Variants in COMMD6 observed in about 807,000 individuals in gnomAD.
COMMD6 encodes the protein COMM domain containing 6.
In COMMD6, 11 loss-of-function variants were observed where a neutral mutation model predicts 13.4. The observed-to-expected ratio is 0.82, with a 90% confidence interval of 0.52 to 1.36. The LOEUF (loss-of-function observed/expected upper bound fraction) is 1.36. Among genes scored for constraint, COMMD6 ranks in the 40% most tolerant of loss-of-function variants. The pLI is 0.00. For missense variants in COMMD6, 124 were observed against 102.4 expected, an observed-to-expected ratio of 1.21 and a Z score of -0.91; for synonymous variants, 43 against 36.5, an observed-to-expected ratio of 1.18 and a Z score of -0.64.
chr13:75,537,503 T>G, intron 2 of COMMD6, 161 bp downstream of exon 2: 1 of 1,559,594 alleles, frequency 6.4e-7, no homozygotes. Context: ...GGCTACCGGC[T>G]CAGGTGCAAA....
chr13:75,540,241 G>T (rs9543967), upstream of COMMD6, among the ~76,000 whole-genome samples: 19,021 of 151,728 alleles, frequency 0.13, 1,435 homozygotes, highest in Middle Eastern at 0.29. Context: ...AAAGTGCTGG[G>T]ATTACAGGTG....
chr13:75,536,460 A>C (rs2030666247), intron 2 of COMMD6, among the ~76,000 whole-genome samples: 1 of 152,250 alleles, frequency 6.6e-6, no homozygotes, highest in Admixed American at 6.5e-5. Context: ...CAGTATTGGT[A>C]GATGTGACAA....
upstream of COMMD6, among the ~76,000 whole-genome samples, chr13:75,542,856 T>G (rs2030848323): frequency 1.3e-5 from 2 of 152,086 alleles, no homozygotes; most frequent in Admixed American, 6.6e-5. Flanking sequence ...TGAAGACAGA[T>G]GGAGGCCAAG....
upstream of COMMD6, among the ~76,000 whole-genome samples, chr13:75,538,229 G>A (rs149140190): frequency 6.6e-6 from 1 of 152,236 alleles, no homozygotes; most frequent in African/African-American, 2.4e-5. Flanking sequence ...AGGGAAGGCT[G>A]TGGGAACCAC....
chr13:75,543,386 T>A (rs74864187), upstream of COMMD6, among the ~76,000 whole-genome samples: 24 of 152,302 alleles, frequency 1.6e-4, no homozygotes, highest in Non-Finnish European at 3.2e-4. Context: ...CTCCCTTATA[T>A]CTCCCAAATA....
chr13:75,538,918 G>C (rs892681881), upstream of COMMD6: 8 of 152,264 alleles, frequency 5.3e-5, no homozygotes, highest in African/African-American at 1.7e-4. Flanking sequence ...GGTGGGATCT[G>C]CTTTCAGCCT....
intron 3 of COMMD6, among the ~76,000 whole-genome samples, chr13:75,528,693 T>C (rs966182350): frequency 3.3e-5 from 5 of 151,608 alleles, no homozygotes; most frequent in African/African-American, 1.2e-4. Context: ...AATACAAAAA[T>C]TAGCTGGGCG....
chr13:75,548,320 A>T (rs1192031124), intron 1 of COMMD6, among the ~76,000 whole-genome samples: 3 of 152,232 alleles, frequency 2.0e-5, no homozygotes, highest in Non-Finnish European at 2.9e-5. Flanking sequence ...GATGAAGAGG[A>T]GTTAAGGTAA....
At chr13:75,542,589 C>CT (rs1194732436), upstream of COMMD6, among the ~76,000 whole-genome samples, 4 of 152,050 alleles carry the variant, frequency 2.6e-5, no homozygotes, top group East Asian at 3.9e-4. Flanking sequence ...GCACCCAGCC[C>CT]TTTTTTTTCT....
intron 3 of COMMD6, among the ~76,000 whole-genome samples, chr13:75,528,586 T>A (rs1385484080): frequency 6.6e-6 from 1 of 152,030 alleles, no homozygotes; most frequent in Non-Finnish European, 1.5e-5. Flanking sequence ...AGTGGACGGA[T>A]CAACTGAGGT....
intron 2 of COMMD6, among the ~76,000 whole-genome samples, chr13:75,532,632 T>G (rs1013133366): frequency 2.0e-5 from 3 of 152,010 alleles, no homozygotes; most frequent in Admixed American, 2.0e-4. Flanking sequence ...GAGATCAGAA[T>G]CATCCTGGCT....
At chr13:75,530,626 CT>C (rs2030441040) in intron 2 of COMMD6, 1 of 169,740 alleles carries the variant, frequency 5.9e-6, no homozygotes. Flanking sequence ...ATGCTCAAGA[CT>C]TACATTAGCA....
At chr13:75,530,385 T>A in intron 2 of COMMD6, 119 bp from the exon 3 acceptor site, 1 of 666,834 alleles carries the variant, frequency 1.5e-6, no homozygotes, top group South Asian at 2.2e-5. Flanking sequence ...CATATTTACA[T>A]AAAGTATCTT....
upstream of COMMD6, chr13:75,537,989 C>A (rs1330926082): frequency 8.1e-6 from 4 of 492,298 alleles, no homozygotes; most frequent in Middle Eastern, 5.5e-4. Context: ...AGACATTGAG[C>A]TAAAAGAAAA....
At chr13:75,537,128 A>C (rs1384800118) in intron 2 of COMMD6, among the ~76,000 whole-genome samples, 1 of 152,212 alleles carries the variant, frequency 6.6e-6, no homozygotes, top group Non-Finnish European at 1.5e-5. Flanking sequence ...TAGTACTCCT[A>C]TTCTGGGAAG....
intron 1 of COMMD6, among the ~76,000 whole-genome samples, chr13:75,546,825 T>C (rs1466138038): frequency 6.6e-6 from 1 of 152,224 alleles, no homozygotes. Flanking sequence ...AAGAAGGGGA[T>C]GTACAATGTT....
intron 3 of COMMD6, among the ~76,000 whole-genome samples, chr13:75,528,170 C>G (rs893915185): frequency 2.0e-5 from 3 of 151,674 alleles, no homozygotes; most frequent in African/African-American, 7.3e-5. Context: ...TCAAAATACA[C>G]AATTTTGTCA....
At chr13:75,540,905 C>T (rs531714198), upstream of COMMD6, among the ~76,000 whole-genome samples, 57 of 152,292 alleles carry the variant, frequency 3.7e-4, no homozygotes, top group South Asian at 0.012. Flanking sequence ...AATTGGTACT[C>T]ATGAAGCAGG....
intron 1 of COMMD6, among the ~76,000 whole-genome samples, chr13:75,548,642 A>C (rs992972301): frequency 1.3e-5 from 2 of 152,124 alleles, no homozygotes; most frequent in African/African-American, 2.4e-5. Context: ...CGTTTTTCAC[A>C]TTATTGACAA....
Sources: gnomAD v4.1 joint callset for allele counts (sites outside exome capture counted in the v4.1 genomes callset) on GRCh38, gnomAD v4.1.1 for gene constraint, MANE v1.5 for transcripts, NCBI Gene and HGNC (gene_info 2026-07-23, HGNC 2026-07-21) for gene names.